The following NET1 variants were observed in gnomAD, a reference collection of about 807,000 sequenced individuals.
NET1 encodes neuroepithelial cell transforming 1.
In NET1, 42 loss-of-function variants were observed where a neutral mutation model predicts 61.1. The ratio of observed to expected loss-of-function variants is 0.69; its 90% CI spans 0.54 to 0.89. The LOEUF (loss-of-function observed/expected upper bound fraction) is 0.89, where lower values mean the gene tolerates loss of function less well. NET1 is among the 40% of genes least tolerant of loss of function. NET1 has a pLI of 0.00. For missense variants in NET1, 654 were observed against 747.3 expected, an observed-to-expected ratio of 0.88 and a Z score of 1.46; for synonymous variants, 254 against 281.8, an observed-to-expected ratio of 0.90 and a Z score of 0.99.
intron 3 of NET1, among the ~76,000 whole-genome samples, chr10:5,442,877 T>TAAAAAAAAAAA: frequency 7.1e-6 from 1 of 141,614 alleles, no homozygotes; most frequent in African/African-American, 2.6e-5. Context: ...ACCCTGTCTT[T>TAAAAAAAAAAA]AAAAAAAAAA....
Position 5,412,941 on chromosome 10 carries a change from A to C in NET1, c.128+121A>C. The C allele has an allele frequency of 4.0e-6, 1 of 248,812 alleles. No homozygotes were observed. The highest frequency in any genetic ancestry group is 5.8e-6 in the Non-Finnish European group (1 of 171,266). The allele number at this position is 248,812 out of a possible 1,614,324, so 15.4% of individuals were successfully genotyped here. A position where few individuals can be genotyped will look rare whatever the true frequency, so the allele number is the denominator to read the frequency against. On this transcript the variant is annotated intron_variant, in intron 1 of 11. Transcript: ENST00000355029. This position sits in a 1 kb window ranked among gnomAD's most constrained non-coding sequence, Gnocchi z 6.5. ...GAGGGGAGGGCTGGCCGGGAGTTGGATGTGGGGGGCGGCGAGTGGGGGTGT... is the reference window on the plus strand; with the variant it reads ...GAGGGGAGGGCTGGCCGGGAGTTGGCTGTGGGGGGCGGCGAGTGGGGGTGT...
rs762696046 is a variant in NET1, at chr10:5,456,114, A to C, written c.1225A>C (p.Ile409Leu). ...HKLYIFLFQD[I>L]LVLTRPVTRN... ...ACTTTACATTTTCCTGTTTCAAGACATCTTGGTTCTGACTCGGCCCGTCAC... is the reference window on the plus strand; with the variant it reads ...ACTTTACATTTTCCTGTTTCAAGACCTCTTGGTTCTGACTCGGCCCGTCAC... Residue 409 changes from isoleucine to leucine, a missense_variant, in exon 11 of 12, where the codon ATC (isoleucine) becomes CTC (leucine). Physicochemically the swap from Ile to Leu is conservative, Grantham distance 5 (BLOSUM62 2). Transcript: ENST00000355029. The surrounding 1 kb of genome is among the most constrained non-coding windows in gnomAD (Gnocchi z 7.0). 2.5e-6 allele frequency: 4 copies of C among 1,613,042 alleles called. No homozygotes were observed. Among genetic ancestry groups the C allele is most frequent in the Non-Finnish European group, 3.4e-6 (4 of 1,179,698 alleles).
rs1308392155 is a variant in NET1, at chr10:5,447,516, A to G, written c.256-4314A>G. ...CTGTTTATACTATATACTTTAATAT[A>G]TACTACATTGTCACTTATATGCTAG... On this transcript the variant is annotated intron_variant, in intron 3 of 11. Transcript: ENST00000355029. This position sits in a 1 kb window ranked among gnomAD's most constrained non-coding sequence, Gnocchi z 4.1. Among the ~76,000 whole-genome samples the G allele has an allele frequency of 6.6e-6, 1 of 152,218 alleles. No individual in the cohort carries two copies. Among genetic ancestry groups the G allele is most frequent in the Non-Finnish European group, 1.5e-5 (1 of 68,028 alleles).
chr10:5,436,518 G>T (rs188868138), intron 3 of NET1, among the ~76,000 whole-genome samples: 3 of 151,142 alleles, frequency 2.0e-5, no homozygotes, highest in Non-Finnish European at 4.4e-5. Context: ...TAACAGGTGC[G>T]AGCCACTGCG....
rs1398550952 is a variant in NET1 at position 5,420,596 on chromosome 10, TA to T, written c.129-6058del. ...AGGCAAAGGTCTTTCTTTTTTATTT[TA>T]TTTTTTTATTTATTTTTGAGATGGA... is the stretch of plus-strand genomic sequence containing the variant. On this transcript the variant is annotated intron_variant, in intron 1 of 11. Transcript: ENST00000355029. The surrounding 1 kb of genome is among the most constrained non-coding windows in gnomAD (Gnocchi z 5.3). Among the ~76,000 whole-genome samples, 5 of 152,056 alleles carry T rather than the reference TA, an allele frequency of 3.3e-5. No individual in the cohort carries two copies. Among genetic ancestry groups the T allele is most frequent in the African/African-American group, 9.7e-5 (4 of 41,394 alleles).
rs1832064522 is a variant in NET1, at chr10:5,415,450, T to TTTC, written c.128+2633_128+2635dup. ...GGGCCATCCTTTGCTCTTTTTTTTT[T>TTTC]TTCTTTTGAGACGGAGTCTCAGTCT... On this transcript the variant is annotated intron_variant, in intron 1 of 11. Coordinates refer to ENST00000355029, the MANE Select transcript of NET1 (RefSeq NM_001047160.3). This position sits in a 1 kb window ranked among gnomAD's most constrained non-coding sequence, Gnocchi z 4.7. Among the ~76,000 whole-genome samples the TTTC allele has an allele frequency of 6.6e-6, 1 of 151,478 alleles. No homozygotes were observed. The highest frequency in any genetic ancestry group is 1.5e-5 in the Non-Finnish European group (1 of 67,844).
chr10:5,423,784 C>G lies in NET1; in HGVS notation c.129-2871C>G, dbSNP rs1832217434. Among the ~76,000 whole-genome samples the G allele has an allele frequency of 6.6e-6, 1 of 152,116 alleles. No individual in the cohort carries two copies. The highest frequency in any genetic ancestry group is 1.5e-5 in the Non-Finnish European group (1 of 67,996). On this transcript the variant is annotated intron_variant, in intron 1 of 11. Coordinates refer to ENST00000355029, the MANE Select transcript of NET1 (RefSeq NM_001047160.3). The surrounding 1 kb of genome is among the most constrained non-coding windows in gnomAD (Gnocchi z 4.4). ...CCACAAGGATTTAAAATAGCTATTA[C>G]ATTTTGAGTCTGACGCTTGTGAAAA... is the stretch of plus-strand genomic sequence containing the variant.
rs1347587314 is a variant in NET1, at chr10:5,455,860, C to T, written c.1198-227C>T. 1.3e-5 allele frequency among the ~76,000 whole-genome samples: 2 copies of T among 152,160 alleles called. No individual in the cohort carries two copies. Among genetic ancestry groups the T allele is most frequent in the Non-Finnish European group, 2.9e-5 (2 of 68,036 alleles). On this transcript the variant is annotated intron_variant, in intron 10 of 11. Transcript: ENST00000355029. The surrounding 1 kb of genome is among the most constrained non-coding windows in gnomAD (Gnocchi z 6.5). ...TTAGCTGCTGCTTAATCTGATATTACATACCAATAAGAAACATTTTATTTA... is the reference window on the plus strand; with the variant it reads ...TTAGCTGCTGCTTAATCTGATATTATATACCAATAAGAAACATTTTATTTA...
At position 5,412,583 on chromosome 10, in the gene NET1, C is replaced by T; in HGVS notation, c.-110C>T. ...AATCCCCGGATGACGGCGGTGGCGG[C>T]TGCAGTCCGCTGACAGGCGCTTTCT... On this transcript the variant is annotated 5_prime_UTR_variant, in exon 1 of 12. Coordinates refer to ENST00000355029, the MANE Select transcript of NET1 (RefSeq NM_001047160.3). This position sits in a 1 kb window ranked among gnomAD's most constrained non-coding sequence, Gnocchi z 6.5. 5 of 1,199,562 alleles carry T rather than the reference C, an allele frequency of 4.2e-6. No individual in the cohort carries two copies. Among genetic ancestry groups the T allele is most frequent in the Middle Eastern group, 2.8e-4 (1 of 3,558 alleles). 74.3% of individuals were successfully genotyped at this position (1,199,562 alleles called of 1,614,324 possible).
At position 5,449,307 on chromosome 10, in the gene NET1, TTATCCACCA is replaced by T. The variant is rs1283027540; in HGVS notation, c.256-2521_256-2513del. ...ATGTCCTTTGAGTGAGGCAGGAAAG[TTATCCACCA>T]TCATCCCCAAAAGCATGTGAAAAAG... is the stretch of plus-strand genomic sequence containing the variant. On this transcript the variant is annotated intron_variant, in intron 3 of 11. Coordinates refer to ENST00000355029, the MANE Select transcript of NET1 (RefSeq NM_001047160.3). The surrounding 1 kb of genome is among the most constrained non-coding windows in gnomAD (Gnocchi z 4.4). 6.6e-6 allele frequency among the ~76,000 whole-genome samples: 1 copy of T among 152,190 alleles called. No individual in the cohort carries two copies. The highest frequency in any genetic ancestry group is 2.4e-5 in the African/African-American group (1 of 41,446).
At chr10:5,425,118 C>T (rs1382814007) in intron 1 of NET1, among the ~76,000 whole-genome samples, 4 of 152,298 alleles carry the variant, frequency 2.6e-5, no homozygotes, top group Non-Finnish European at 2.9e-5. Flanking sequence ...TCATTTCACT[C>T]CACCTTAATG....
chr10:5,437,490 C>T lies in NET1; in HGVS notation c.255+8261C>T, dbSNP rs968130874. Among the ~76,000 whole-genome samples, 1 of 152,028 alleles carries T rather than the reference C, an allele frequency of 6.6e-6. No individual in the cohort carries two copies. The highest frequency in any genetic ancestry group is 1.5e-5 in the Non-Finnish European group (1 of 67,998). On this transcript the variant is annotated intron_variant, in intron 3 of 11. Coordinates refer to ENST00000355029, the MANE Select transcript of NET1 (RefSeq NM_001047160.3). The surrounding 1 kb of genome is among the most constrained non-coding windows in gnomAD (Gnocchi z 4.3). ...CAGTGCTGTACTTTACCTTCTGGTG[C>T]ACAAGGAGGGACCATGTTTGTGTCT...
At chr10:5,428,038 C>CCTTT (rs767299959) in intron 2 of NET1, among the ~76,000 whole-genome samples, 1 of 113,904 alleles carries the variant, frequency 8.8e-6, no homozygotes, top group African/African-American at 3.4e-5. Context: ...TTTGCCGTTC[C>CCTTT]TTTTTTTTTT....
At position 5,441,607 on chromosome 10, in the gene NET1, C is replaced by A. The variant is rs2119197942; in HGVS notation, c.256-10223C>A. Among the ~76,000 whole-genome samples, 1 of 152,324 alleles carries A rather than the reference C, an allele frequency of 6.6e-6. No individual in the cohort carries two copies. Among genetic ancestry groups the A allele is most frequent in the Non-Finnish European group, 1.5e-5 (1 of 68,028 alleles). The stretch of plus-strand genomic sequence containing the variant: ...TGATTGGCTATTTGTGTTGTCATCG[C>A]ACAAAAGAACCATTGTTTTGACAAT... On this transcript the variant is annotated intron_variant, in intron 3 of 11. Transcript: ENST00000355029. The surrounding 1 kb of genome is among the most constrained non-coding windows in gnomAD (Gnocchi z 4.6).
At chr10:5,436,162 G>GGT (rs373772351) in intron 3 of NET1, among the ~76,000 whole-genome samples, 2 of 70,066 alleles carry the variant, frequency 2.9e-5, no homozygotes, top group African/African-American at 1.1e-4. Flanking sequence ...GTTAAAAGGA[G>GGT]GTGTGTGTGT....
chr10:5,453,984 C>T lies in NET1; in HGVS notation c.769-281C>T, dbSNP rs183299813. On this transcript the variant is annotated intron_variant, in intron 8 of 11. Coordinates refer to ENST00000355029, the MANE Select transcript of NET1 (RefSeq NM_001047160.3). The surrounding 1 kb of genome is among the most constrained non-coding windows in gnomAD (Gnocchi z 4.9). ...CTCAGGGCTGGTGGCAAATGGAGGA[C>T]ACTCAAGTGTCCTGGGAGCACAGAC... is the stretch of plus-strand genomic sequence containing the variant. Among the ~76,000 whole-genome samples, 195 of 152,296 alleles carry T rather than the reference C, an allele frequency of 1.3e-3. No homozygotes were observed. The highest frequency in any genetic ancestry group is 4.5e-3 in the African/African-American group (186 of 41,568).
intron 1 of NET1, among the ~76,000 whole-genome samples, chr10:5,414,980 CAGTT>C (rs1039773274): frequency 2.0e-5 from 3 of 152,140 alleles, no homozygotes; most frequent in African/African-American, 7.2e-5. Context: ...GAGTGAGACA[CAGTT>C]AGAAGAACCA....
At chr10:5,442,482 C>T (rs997920929) in intron 3 of NET1, among the ~76,000 whole-genome samples, 3 of 152,306 alleles carry the variant, frequency 2.0e-5, no homozygotes, top group South Asian at 2.1e-4. Context: ...ATAAGAGAAA[C>T]ATCTTTCTCT....
rs1832090171 is a variant in NET1 at position 5,416,868 on chromosome 10, T to A, written c.128+4048T>A. On this transcript the variant is annotated intron_variant, in intron 1 of 11. Transcript: ENST00000355029. The surrounding 1 kb of genome is among the most constrained non-coding windows in gnomAD (Gnocchi z 6.1). ...TCAGTGGGCTTGTGTTACAGGGTAC[T>A]CTTAGTTTAGCCATCCGTAGGCGGC... is the stretch of plus-strand genomic sequence containing the variant. 6.6e-6 allele frequency among the ~76,000 whole-genome samples: 1 copy of A among 152,146 alleles called. No homozygotes were observed. The highest frequency in any genetic ancestry group is 2.4e-5 in the African/African-American group (1 of 41,426).
Sources: gnomAD v4.1 joint callset for allele counts (sites outside exome capture counted in the v4.1 genomes callset) on GRCh38, gnomAD v4.1.1 for gene constraint, Gnocchi (gnomAD v3.1) non-coding constraint, MANE v1.5 for transcripts, NCBI Gene and HGNC (gene_info 2026-07-23, HGNC 2026-07-21) for gene names.